GALNT2: variants seen among roughly 807,000 people sequenced by gnomAD.
The protein encoded by GALNT2 is UDP-GalNAc:polypeptide N-acetylgalactosaminyltransferase 2.
Under a neutral mutation model 81.4 loss-of-function variants are expected in GALNT2, and 31 were observed. The ratio of observed to expected loss-of-function variants is 0.38; its 90% CI spans 0.29 to 0.51. The LOEUF (loss-of-function observed/expected upper bound fraction) is 0.51, where lower values mean the gene tolerates loss of function less well. GALNT2 is among the 20% of genes least tolerant of loss of function. The pLI is 0.87. For synonymous variants in GALNT2, 303 were observed against 287.4 expected (o/e 1.05, Z -0.55); for missense variants, 629 against 765.7 (o/e 0.82, Z 2.11).
At chr1:230,138,051 G>A (rs1661606870) in intron 1 of GALNT2, among the ~76,000 whole-genome samples, 2 of 152,126 alleles carry the variant, frequency 1.3e-5, no homozygotes, top group Admixed American at 1.3e-4. Flanking sequence ...CACCTTGCAT[G>A]TCGTTGCGTG....
intron 3 of GALNT2, among the ~76,000 whole-genome samples, chr1:230,234,100 C>T (rs1414737875): frequency 6.6e-6 from 1 of 152,084 alleles, no homozygotes; most frequent in African/African-American, 2.4e-5. Flanking sequence ...AAAAGGCTCT[C>T]CAAGAGTGGG....
intron 2 of GALNT2, among the ~76,000 whole-genome samples, chr1:230,182,326 C>G (rs1223822269): frequency 6.6e-6 from 1 of 151,642 alleles, no homozygotes; most frequent in Non-Finnish European, 1.5e-5. Context: ...TAGATGATTG[C>G]TTTTAGATCT....
upstream of GALNT2, among the ~76,000 whole-genome samples, chr1:230,065,587 T>C (rs1454942761): frequency 6.6e-6 from 1 of 152,252 alleles, no homozygotes; most frequent in Admixed American, 6.5e-5. Flanking sequence ...TTCTGTTTTC[T>C]TTTTGCAGAA....
At chr1:230,168,289 G>A (rs1205712711) in intron 1 of GALNT2, among the ~76,000 whole-genome samples, 2 of 152,240 alleles carry the variant, frequency 1.3e-5, no homozygotes, top group Non-Finnish European at 2.9e-5. Flanking sequence ...GAGCTGACCT[G>A]CTTCATAAAC....
At position 230,281,865 on chromosome 1, in the gene GALNT2, T is replaced by C. The variant is rs1455797600; in HGVS notation, c.*2407T>C. The C allele has an allele frequency of 6.6e-6, 1 of 152,636 alleles. No individual in the cohort carries two copies. Among genetic ancestry groups the C allele is most frequent in the East Asian group, 1.9e-4 (1 of 5,196 alleles). 9.5% of individuals were successfully genotyped at this position (152,636 alleles called of 1,614,324 possible). On this transcript the variant is annotated 3_prime_UTR_variant, in exon 16 of 16. Transcript: ENST00000366672. ...CTCCTGTTTTTAAAACTCAGAATTC[T>C]TTCCTAAGAGCCCTTCGAGCAAAGC...
intron 1 of GALNT2, among the ~76,000 whole-genome samples, chr1:230,178,010 A>T (rs1663039132): frequency 6.6e-6 from 1 of 152,206 alleles, no homozygotes; most frequent in Non-Finnish European, 1.5e-5. Context: ...CCCTTGGGAA[A>T]GGTCATGCCC....
chr1:230,262,426 C>T lies in GALNT2; in HGVS notation c.1137-147C>T, dbSNP rs956062317. ...GCTCGAGGTGCTGGTGGGGACAGCC[C>T]ACCCTCTGCTGTGTGCCGTGATCCC... On this transcript the variant is annotated intron_variant, in intron 11 of 15. Coordinates refer to ENST00000366672, the MANE Select transcript of GALNT2 (RefSeq NM_004481.5). 1.1e-5 allele frequency: 7 copies of T among 660,460 alleles called. No homozygotes were observed. The African/African-American group carries it at 1.3e-4, about 12-fold the overall frequency. 40.9% of individuals were successfully genotyped at this position (660,460 alleles called of 1,614,324 possible).
At chr1:230,157,256 A>G (rs1662286600) in intron 1 of GALNT2, among the ~76,000 whole-genome samples, 1 of 152,246 alleles carries the variant, frequency 6.6e-6, no homozygotes, top group African/African-American at 2.4e-5. Context: ...AAGCACCATT[A>G]TAGCAAACTT....
At chr1:230,207,009 G>A (rs1317218916) in intron 3 of GALNT2, among the ~76,000 whole-genome samples, 3 of 151,248 alleles carry the variant, frequency 2.0e-5, no homozygotes, top group Non-Finnish European at 2.9e-5. Flanking sequence ...TTTCCTGCTT[G>A]ATTTTTCTCC....
At chr1:230,181,130 A>G (rs1245335792) in intron 2 of GALNT2, among the ~76,000 whole-genome samples, 1 of 151,932 alleles carries the variant, frequency 6.6e-6, no homozygotes, top group Non-Finnish European at 1.5e-5. Context: ...CTTCCAGCAC[A>G]GTGTTGAAGA....
At chr1:230,218,958 T>C (rs4846936) in intron 3 of GALNT2, among the ~76,000 whole-genome samples, 22,518 of 152,216 alleles carry the variant, frequency 0.15, 1,872 homozygotes, top group African/African-American at 0.22. Flanking sequence ...ACGAACCCTA[T>C]TGTGAACTGC....
rs138523761 is a variant in GALNT2 at position 230,135,790 on chromosome 1, A to G, written c.127-42428A>G. 1.9e-3 allele frequency among the ~76,000 whole-genome samples: 295 copies of G among 151,958 alleles called. 1 individual carries two copies. The Middle Eastern group carries it at 0.024, about 12-fold the overall frequency. On this transcript the variant is annotated intron_variant, in intron 1 of 15. Transcript: ENST00000366672. The stretch of plus-strand genomic sequence containing the variant: ...AGCCTCGACCTCCTGGGTTCAAGCA[A>G]TCCTCTTGCTTCACCCTCCTAAGTA...
At chr1:230,145,093 T>A (rs1320996004) in intron 1 of GALNT2, among the ~76,000 whole-genome samples, 1 of 152,022 alleles carries the variant, frequency 6.6e-6, no homozygotes, top group Non-Finnish European at 1.5e-5. Context: ...TGCTGCAGCA[T>A]CTGCAGGCTC....
At chr1:230,158,468 C>G (rs1052867065) in intron 1 of GALNT2, among the ~76,000 whole-genome samples, 16 of 152,220 alleles carry the variant, frequency 1.1e-4, no homozygotes, top group African/African-American at 3.9e-4. Context: ...GGGAGGCCTC[C>G]TGAGGCACTT....
In GALNT2 at chr1:230,271,475, A is replaced by G. The variant is rs1666159762; in HGVS notation, c.1441-2970A>G. On this transcript the variant is annotated intron_variant, in intron 14 of 15. Coordinates refer to ENST00000366672, the MANE Select transcript of GALNT2 (RefSeq NM_004481.5). This position sits in a 1 kb window ranked among gnomAD's most constrained non-coding sequence, Gnocchi z 4.2. ...TGTCAACTCAGTTCTGACACTGCCT[A>G]CCCAGAGTTAGCACAGACCCCACGG... Among the ~76,000 whole-genome samples, 1 of 152,126 alleles carries G rather than the reference A, an allele frequency of 6.6e-6. No homozygotes were observed. The highest frequency in any genetic ancestry group is 1.5e-5 in the Non-Finnish European group (1 of 68,032).
intron 11 of GALNT2, among the ~76,000 whole-genome samples, chr1:230,261,637 A>C (rs1292136841): frequency 6.6e-6 from 1 of 152,260 alleles, no homozygotes; most frequent in Admixed American, 6.5e-5. Context: ...CAGACATTCA[A>C]GAGTAGCTTG....
chr1:230,207,539 A>G (rs1427298951), intron 3 of GALNT2, among the ~76,000 whole-genome samples: 1 of 152,146 alleles, frequency 6.6e-6, no homozygotes, highest in Non-Finnish European at 1.5e-5. Flanking sequence ...ACTAAATACT[A>G]TGTATAAGAT....
At chr1:230,109,108 C>CT (rs1284186844) in intron 1 of GALNT2, among the ~76,000 whole-genome samples, 2 of 152,242 alleles carry the variant, frequency 1.3e-5, no homozygotes, top group Admixed American at 6.5e-5. Flanking sequence ...CAGCAACTCA[C>CT]TGAGTTGAAT....
In GALNT2 at chr1:230,267,116, CAT is replaced by C. The variant is rs371918230; in HGVS notation, c.1440+1750_1440+1751del. 4.6e-4 allele frequency among the ~76,000 whole-genome samples: 70 copies of C among 152,370 alleles called. No individual in the cohort carries two copies. The East Asian group carries it at 8.9e-3, about 19-fold the overall frequency. On this transcript the variant is annotated intron_variant, in intron 14 of 15. Transcript: ENST00000366672. The stretch of plus-strand genomic sequence containing the variant: ...TTCCTTGTGCACATGCACCTAGACT[CAT>C]GTGCTGCTTCTTTCTTCTTTTTCTG...
Sources: gnomAD v4.1 joint callset for allele counts (sites outside exome capture counted in the v4.1 genomes callset) on GRCh38, gnomAD v4.1.1 for gene constraint, Gnocchi (gnomAD v3.1) non-coding constraint, MANE v1.5 for transcripts, NCBI Gene and HGNC (gene_info 2026-07-23, HGNC 2026-07-21) for gene names.